ATP1A2: variants seen among roughly 807,000 people sequenced by gnomAD.
ATP1A2 encodes the protein sodium/potassium-transporting ATPase subunit alpha-2.
ATP1A2 carries 56 observed loss-of-function variants against 113.1 expected under a neutral mutation model. The ratio of observed to expected loss-of-function variants is 0.49; its 90% CI spans 0.40 to 0.62. ATP1A2 has a LOEUF of 0.62. Among genes scored for constraint, ATP1A2 ranks in the 20% least tolerant of loss-of-function variants. The pLI is 0.00. For missense variants in ATP1A2, 712 were observed against 1,357.8 expected (o/e 0.52, Z 7.47); for synonymous variants, 490 against 526.8 (o/e 0.93, Z 0.96).
At chr1:160,134,396 A>C (rs918109540) in intron 13 of ATP1A2, 88 bp from the exon 14 acceptor site, 4 of 1,594,332 alleles carry the variant, frequency 2.5e-6, no homozygotes, top group East Asian at 2.2e-5. Flanking sequence ...ACATCTCGCT[A>C]TCTAGCTTTC....
At chr1:160,115,926 T>G in intron 1 of ATP1A2, 53 bp downstream of exon 1, 1 of 1,583,956 alleles carries the variant, frequency 6.3e-7, no homozygotes, top group Non-Finnish European at 8.6e-7. Context: ...GGGAGGCTGC[T>G]GAGGAAGGAT....
chr1:160,133,929 T>G lies in ATP1A2; in HGVS notation c.1828-555T>G, dbSNP rs1651839860. Among the ~76,000 whole-genome samples, 3 of 151,976 alleles carry G rather than the reference T, an allele frequency of 2.0e-5. No individual in the cohort carries two copies. In the South Asian group the frequency reaches 6.2e-4, roughly 32 times the overall value. Reference sequence around the variant, plus strand: ...TACTTTCCTGCACTTAAGCAAACTATCTCTCTCTAACCCTCTGAACATAAC... The same window carrying G: ...TACTTTCCTGCACTTAAGCAAACTAGCTCTCTCTAACCCTCTGAACATAAC... On this transcript the variant is annotated intron_variant, in intron 13 of 22. Coordinates refer to ENST00000361216, the MANE Select transcript of ATP1A2 (RefSeq NM_000702.4).
In ATP1A2 at chr1:160,140,846, C is replaced by CCT. The variant is rs1652123649; in HGVS notation, c.3035-448_3035-447insCT. The stretch of plus-strand genomic sequence containing the variant: ...ACCTCCTTCTCCTCCCTTTCACCTT[C>CCT]TTTTTTTTTTTTTTTTTTTTTTTTT... On this transcript the variant is annotated intron_variant, in intron 22 of 22. Coordinates refer to ENST00000361216, the MANE Select transcript of ATP1A2 (RefSeq NM_000702.4). The CCT allele has an allele frequency of 2.2e-3, 193 of 87,090 alleles. 7 individuals carry two copies. Among genetic ancestry groups the CCT allele is most frequent in the African/African-American group, 0.01 (186 of 18,104 alleles). The allele number at this position is 87,090 out of a possible 1,614,324, so 5.4% of individuals were successfully genotyped here.
At chr1:160,121,342 CT>C in intron 3 of ATP1A2, 91 bp downstream of exon 3, 1 of 1,467,242 alleles carries the variant, frequency 6.8e-7, no homozygotes, top group Admixed American at 1.7e-5. Flanking sequence ...GTAATCCAGC[CT>C]TCTTTACAGA....
intron 1 of ATP1A2, among the ~76,000 whole-genome samples, chr1:160,116,902 A>G (rs963103425): frequency 3.3e-5 from 5 of 152,098 alleles, no homozygotes; most frequent in Non-Finnish European, 7.4e-5. Flanking sequence ...TTCCTGAGCT[A>G]GGGTTGGAGC....
chr1:160,140,461 T>C (rs979855399), intron 22 of ATP1A2, among the ~76,000 whole-genome samples: 2 of 152,186 alleles, frequency 1.3e-5, no homozygotes, highest in African/African-American at 4.8e-5. Flanking sequence ...TATGATGGCT[T>C]ACAAACCAAA....
chr1:160,135,700 T>A lies in ATP1A2; in HGVS notation c.2284+98T>A. 6.2e-7 allele frequency: 1 copy of A among 1,610,816 alleles called. No individual in the cohort carries two copies. Among genetic ancestry groups the A allele is most frequent in the South Asian group, 1.1e-5 (1 of 90,926 alleles). ...CCCAGTTGAAGAATCATTCCACAAC[T>A]CTAGGCAGCCCAGCCCACTTTAGCT... On this transcript the variant is annotated intron_variant, in intron 16 of 22. Transcript: ENST00000361216. This position sits in a 1 kb window ranked among gnomAD's most constrained non-coding sequence, Gnocchi z 6.3.
At position 160,128,867 on chromosome 1, in the gene ATP1A2, G is replaced by A. The variant is rs1224701024; in HGVS notation, c.1216+17G>A. ...ATCAGTCTGGTGATTGGGTGCTCCAGAGGGGGTGGATAGGATTAGAGGAGG... is the reference window on the plus strand; with the variant it reads ...ATCAGTCTGGTGATTGGGTGCTCCAAAGGGGGTGGATAGGATTAGAGGAGG... On this transcript the variant is annotated intron_variant, in intron 9 of 22. Transcript: ENST00000361216. The A allele has an allele frequency of 6.2e-7, 1 of 1,614,106 alleles. No individual in the cohort carries two copies. Among genetic ancestry groups the A allele is most frequent in the Non-Finnish European group, 8.5e-7 (1 of 1,179,968 alleles).
Position 160,141,294 on chromosome 1 carries a change from G to T in ATP1A2, c.3035G>T (p.Gly1012Val). The change falls in exon 23 of 23, where the codon GGC becomes GTC. Residue 1012 changes from glycine (G) to valine (V), a missense_variant and splice_region_variant. This residue lies in a region of ATP1A2 where 188 missense variants were observed against 438.9 expected (regional missense o/e 0.43). Coordinates refer to ENST00000361216, the MANE Select transcript of ATP1A2 (RefSeq NM_000702.4). ...TCTCCACTCCCAATCTCTCTAACAG[G>T]CTGGGTGGAGAAGGAGACATACTAC... ...RKLILRRYPG[G>V]WVEKETYY The T allele has an allele frequency of 6.2e-7, 1 of 1,614,032 alleles. No individual in the cohort carries two copies. Among genetic ancestry groups the T allele is most frequent in the Non-Finnish European group, 8.5e-7 (1 of 1,179,960 alleles).
In ATP1A2 at chr1:160,134,478, C is replaced by T. The variant is rs771598234; in HGVS notation, c.1828-6C>T. The T allele has an allele frequency of 6.2e-6, 10 of 1,614,186 alleles. No individual in the cohort carries two copies. Among genetic ancestry groups the T allele is most frequent in the Admixed American group, 5.0e-5 (3 of 60,024 alleles). On this transcript the variant is annotated splice_region_variant and splice_polypyrimidine_tract_variant and intron_variant, in intron 13 of 22. Coordinates refer to ENST00000361216, the MANE Select transcript of ATP1A2 (RefSeq NM_000702.4). ...CTTTCCTGTTGTCTCCTCTCCTTCC[C>T]ACTAGGTGATCATGGTAACCGGGGA...
chr1:160,123,208 C>T lies in ATP1A2; in HGVS notation c.178-5C>T. 1 of 1,614,172 alleles carries T rather than the reference C, an allele frequency of 6.2e-7. No individual in the cohort carries two copies. Among genetic ancestry groups the T allele is most frequent in the Non-Finnish European group, 8.5e-7 (1 of 1,180,036 alleles). ...GTGCCCCTACGCCTCTCCTTGCTCCCTCAGGGCCTCACCAACCAGCGGGCT... is the reference window on the plus strand; with the variant it reads ...GTGCCCCTACGCCTCTCCTTGCTCCTTCAGGGCCTCACCAACCAGCGGGCT... On this transcript the variant is annotated splice_region_variant and splice_polypyrimidine_tract_variant and intron_variant, in intron 3 of 22. Coordinates refer to ENST00000361216, the MANE Select transcript of ATP1A2 (RefSeq NM_000702.4).
chr1:160,130,342 G>T, intron 12 of ATP1A2, 51 bp downstream of exon 12: 1 of 1,614,078 alleles, frequency 6.2e-7, no homozygotes, highest in Non-Finnish European at 8.5e-7. Context: ...AGCCTCTGCG[G>T]CATCCCTGGG....
intron 22 of ATP1A2, among the ~76,000 whole-genome samples, chr1:160,140,378 G>T (rs1169481792): frequency 6.6e-6 from 1 of 152,160 alleles, no homozygotes; most frequent in East Asian, 1.9e-4. Flanking sequence ...CAGGCCTCCT[G>T]ATCCCCACTC....
chr1:160,124,427 T>C lies in ATP1A2; in HGVS notation c.627T>C (p.Cys209=), dbSNP rs139229302. ...ADLRIISSHG[C]KVDNSSLTGE... is the part of the protein sequence containing the mutation. ...TCCGGATCATCTCTTCTCATGGCTG[T>C]AAGGTGAGGAGGTCATACCAGAGCA... The change falls in exon 6 of 23, where the codon TGT becomes TGC. Residue 209 remains cysteine, a synonymous_variant. Coordinates refer to ENST00000361216, the MANE Select transcript of ATP1A2 (RefSeq NM_000702.4). 2.0e-4 allele frequency: 316 copies of C among 1,606,640 alleles called. No homozygotes were observed. Among genetic ancestry groups the C allele is most frequent in the Non-Finnish European group, 2.6e-4 (311 of 1,176,764 alleles).
rs765171580 is a variant in ATP1A2 at position 160,123,389 on chromosome 1, C to T, written c.354C>T (p.Ala118=). 1.9e-6 allele frequency: 3 copies of T among 1,614,074 alleles called. No individual in the cohort carries two copies. In the African/African-American group the frequency reaches 4.0e-5, roughly 22 times the overall value. ...LCFLAYGIQA[A]MEDEPSNDNL... ...TCCTGGCCTACGGCATCCAGGCTGC[C>T]ATGGAGGATGAACCATCCAACGACA... The change falls in exon 4 of 23, where the codon GCC becomes GCT. Residue 118 remains alanine (A), a synonymous_variant. Coordinates refer to ENST00000361216, the MANE Select transcript of ATP1A2 (RefSeq NM_000702.4).
rs111972589 is a variant in ATP1A2, at chr1:160,125,035, G to A, written c.631-101G>A. On this transcript the variant is annotated intron_variant, in intron 6 of 22. Transcript: ENST00000361216. Reference sequence around the variant, plus strand: ...GAGGGCAAGTGTGACTTTGTTCCTCGTGTCATGAAGATTGAGTGTGGTTGG... The same window carrying A: ...GAGGGCAAGTGTGACTTTGTTCCTCATGTCATGAAGATTGAGTGTGGTTGG... The A allele has an allele frequency of 6.5e-4, 593 of 910,386 alleles. 9 individuals carry two copies. The East Asian group carries it at 0.014, about 21-fold the overall frequency. 56.4% of individuals were successfully genotyped at this position (910,386 alleles called of 1,614,324 possible). A position where few individuals can be genotyped will look rare whatever the true frequency, so the allele number is the denominator to read the frequency against.
chr1:160,125,425 C>A lies in ATP1A2; in HGVS notation c.748+172C>A, dbSNP rs1180185868. 4 of 646,010 alleles carry A rather than the reference C, an allele frequency of 6.2e-6. No individual in the cohort carries two copies. In the East Asian group the frequency reaches 1.1e-4, roughly 18 times the overall value. 40.0% of individuals were successfully genotyped at this position (646,010 alleles called of 1,614,324 possible). On this transcript the variant is annotated intron_variant, in intron 7 of 22. Transcript: ENST00000361216. ...CACCCTCCACAGAGCAGGGTATTGA[C>A]TGAGGGCAGCCTGACTCCATGGGAA...
intron 13 of ATP1A2, among the ~76,000 whole-genome samples, chr1:160,132,013 G>A (rs1651790874): frequency 6.6e-6 from 1 of 152,168 alleles, no homozygotes; most frequent in East Asian, 1.9e-4. Flanking sequence ...CGGAGGCCTG[G>A]GCAGAGGACC....
Position 160,135,928 on chromosome 1 carries a change from A to T in ATP1A2, c.2374A>T (p.Ile792Phe). The T allele has an allele frequency of 1.2e-6, 2 of 1,613,746 alleles. No individual in the cohort carries two copies. The highest frequency in any genetic ancestry group is 1.7e-6 in the Non-Finnish European group (2 of 1,179,928). Residue 792 changes from isoleucine (I) to phenylalanine (F), a missense_variant, in exon 17 of 23, where the codon ATT (isoleucine) becomes TTT (phenylalanine). This residue lies in a region of ATP1A2 where 188 missense variants were observed against 438.9 expected (regional missense o/e 0.43). Transcript: ENST00000361216. This position sits in a 1 kb window ranked among gnomAD's most constrained non-coding sequence, Gnocchi z 6.3. ...GATCACCCCCTTCCTGCTGTTCATC[A>T]TTGCCAACATCCCCCTACCTCTGGG... ...PEITPFLLFI[I>F]ANIPLPLGTV...
Sources: allele counts gnomAD v4.1 joint callset (sites outside exome capture counted in the v4.1 genomes callset), GRCh38; gene constraint gnomAD v4.1.1; regional missense constraint gnomAD v4.1.1; non-coding constraint Gnocchi (gnomAD v3.1); transcripts MANE v1.5; gene names NCBI Gene and HGNC (gene_info 2026-07-23, HGNC 2026-07-21).